CYP7B1: variants seen among roughly 807,000 people sequenced by gnomAD.
CYP7B1 encodes the protein cytochrome P450 7B1.
In CYP7B1, 29 loss-of-function variants were observed where a neutral mutation model predicts 42.7. The ratio of observed to expected loss-of-function variants is 0.68; its 90% confidence interval spans 0.51 to 0.93. The LOEUF is 0.93. Ranked by LOEUF, CYP7B1 falls within the 40% of genes least tolerant of loss-of-function variation. The pLI, the probability that CYP7B1 is intolerant of heterozygous loss-of-function variation, is 0.00. For synonymous variants in CYP7B1, 235 were observed against 218.2 expected (o/e 1.08, Z -0.68); for missense variants, 655 against 600.5 (o/e 1.09, Z -0.95).
chr8:64,604,680 A>T lies in CYP7B1; in HGVS notation c.1233+2T>A. On this transcript the variant is annotated splice_donor_variant, in intron 5 of 5. Transcript: ENST00000310193. LOFTEE classifies it high-confidence loss of function. ...GCAATCATAGGCTTGATGTTTACTT[A>T]CCTCTGGAGCTTCAAAGATTTCAGG... is the stretch of plus-strand genomic sequence containing the variant. 1 of 1,614,078 alleles carries T rather than the reference A, an allele frequency of 6.2e-7. No individual in the cohort carries two copies. Among genetic ancestry groups the T allele is most frequent in the Non-Finnish European group, 8.5e-7 (1 of 1,180,006 alleles).
At chr8:64,741,996 C>T (rs527422339) in intron 1 of CYP7B1, among the ~76,000 whole-genome samples, 1 of 152,102 alleles carries the variant, frequency 6.6e-6, no homozygotes, top group Non-Finnish European at 1.5e-5. Flanking sequence ...TCAACAGAGG[C>T]TAGTTAGTAT....
chr8:64,718,395 G>A (rs1050280702), intron 1 of CYP7B1, among the ~76,000 whole-genome samples: 8 of 152,216 alleles, frequency 5.3e-5, no homozygotes, highest in African/African-American at 1.9e-4. Context: ...AGTACTGCTC[G>A]TCAGGACTAA....
At chr8:64,642,859 G>C (rs1164085382) in intron 1 of CYP7B1, among the ~76,000 whole-genome samples, 2 of 151,802 alleles carry the variant, frequency 1.3e-5, no homozygotes, top group Non-Finnish European at 2.9e-5. Context: ...TGAGCCCTGG[G>C]GTGCTGTGTC....
rs535168225 is a variant in CYP7B1 at position 64,593,066 on chromosome 8, G to GAATGGAAT, written c.*3568_*3575dup. On this transcript the variant is annotated 3_prime_UTR_variant, in exon 6 of 6. Coordinates refer to ENST00000310193, the MANE Select transcript of CYP7B1 (RefSeq NM_004820.5). The stretch of plus-strand genomic sequence containing the variant: ...CCAGTTATAAAATAAGCCGAAATTG[G>GAATGGAAT]AATGGAATAATTTCCTGTGTTCTCT... 2.5e-4 allele frequency among the ~76,000 whole-genome samples: 38 copies of GAATGGAAT among 152,168 alleles called. No homozygotes were observed. The East Asian group carries it at 6.8e-3, about 27-fold the overall frequency.
intron 1 of CYP7B1, among the ~76,000 whole-genome samples, chr8:64,695,588 CAT>C (rs988349879): frequency 2.0e-4 from 26 of 131,630 alleles, no homozygotes; most frequent in East Asian, 1.5e-3. Context: ...CAAAATAAAA[CAT>C]GTTATCAAAT....
At chr8:64,598,154 A>T (rs1219027004) in intron 5 of CYP7B1, among the ~76,000 whole-genome samples, 1 of 152,226 alleles carries the variant, frequency 6.6e-6, no homozygotes, top group Non-Finnish European at 1.5e-5. Context: ...TTGCAAGTGG[A>T]TGCAATGATA....
intron 1 of CYP7B1, among the ~76,000 whole-genome samples, chr8:64,793,972 AAAC>A (rs1451461391): frequency 6.6e-6 from 1 of 151,958 alleles, no homozygotes. Flanking sequence ...ACAAAAAAAA[AAAC>A]AATCAACCAA....
chr8:64,742,007 A>T (rs1807577070), intron 1 of CYP7B1, among the ~76,000 whole-genome samples: 1 of 152,192 alleles, frequency 6.6e-6, no homozygotes, highest in African/African-American at 2.4e-5. Flanking sequence ...TAGTTAGTAT[A>T]AACTTCCTTA....
chr8:64,724,096 T>A (rs1009780785), intron 1 of CYP7B1, among the ~76,000 whole-genome samples: 1 of 150,854 alleles, frequency 6.6e-6, no homozygotes, highest in Non-Finnish European at 1.5e-5. Context: ...GGAACGGGGT[T>A]GGGGGAGGTA....
At chr8:64,749,427 G>A (rs547614348) in intron 1 of CYP7B1, among the ~76,000 whole-genome samples, 35 of 152,298 alleles carry the variant, frequency 2.3e-4, no homozygotes, top group Non-Finnish European at 4.7e-4. Context: ...GTAGAAAATA[G>A]ATTAGAAGGG....
chr8:64,660,430 C>T (rs142954196), intron 1 of CYP7B1, among the ~76,000 whole-genome samples: 1 of 152,274 alleles, frequency 6.6e-6, no homozygotes, highest in East Asian at 1.9e-4. Flanking sequence ...CAAGTATACA[C>T]AATGAATGAA....
chr8:64,684,440 A>G (rs936227550), intron 1 of CYP7B1, among the ~76,000 whole-genome samples: 4 of 152,264 alleles, frequency 2.6e-5, no homozygotes, highest in African/African-American at 7.2e-5. Flanking sequence ...AACAATACCT[A>G]GAATGCCTAG....
chr8:64,713,050 A>G (rs1159210019), intron 1 of CYP7B1, among the ~76,000 whole-genome samples: 2 of 152,116 alleles, frequency 1.3e-5, no homozygotes, highest in South Asian at 2.1e-4. Context: ...TCTTTATTCT[A>G]TTATATAAGA....
intron 1 of CYP7B1, among the ~76,000 whole-genome samples, chr8:64,638,735 G>A (rs147593928): frequency 1.3e-3 from 197 of 152,172 alleles, no homozygotes; most frequent in African/African-American, 4.6e-3. Context: ...CAACACTCGC[G>A]TAAGTGATAC....
At chr8:64,685,151 C>T (rs1374782298) in intron 1 of CYP7B1, among the ~76,000 whole-genome samples, 1 of 152,172 alleles carries the variant, frequency 6.6e-6, no homozygotes, top group East Asian at 1.9e-4. Context: ...GCAGTCTTTG[C>T]CGCCCCGCCG....
intron 1 of CYP7B1, among the ~76,000 whole-genome samples, chr8:64,712,440 AAC>A (rs1178309712): frequency 6.6e-6 from 1 of 152,158 alleles, no homozygotes; most frequent in Non-Finnish European, 1.5e-5. Flanking sequence ...TGGGAAGATA[AAC>A]ACAGAGTCAT....
chr8:64,603,065 TAG>T (rs368048221), intron 5 of CYP7B1, among the ~76,000 whole-genome samples: 3 of 152,272 alleles, frequency 2.0e-5, no homozygotes, highest in South Asian at 2.1e-4. Context: ...TAGTAAATAA[TAG>T]AGAGTGTTCA....
intron 1 of CYP7B1, among the ~76,000 whole-genome samples, chr8:64,768,686 T>G (rs1348008443): frequency 1.3e-5 from 2 of 152,208 alleles, no homozygotes; most frequent in African/African-American, 4.8e-5. Flanking sequence ...GTGTCCAATT[T>G]ACTTATGTGA....
chr8:64,702,143 G>T (rs1271777761), intron 1 of CYP7B1, among the ~76,000 whole-genome samples: 1 of 151,958 alleles, frequency 6.6e-6, no homozygotes, highest in East Asian at 1.9e-4. Flanking sequence ...AAATAAACAT[G>T]ACTGGTTTTA....
Sources: allele counts gnomAD v4.1 joint callset (sites outside exome capture counted in the v4.1 genomes callset), GRCh38; gene constraint gnomAD v4.1.1; transcripts MANE v1.5; gene names NCBI Gene and HGNC (gene_info 2026-07-23, HGNC 2026-07-21).